Variants in WWOX observed in about 807,000 individuals in gnomAD.
The protein encoded by WWOX is WW domain-containing oxidoreductase.
Under a neutral mutation model 46.2 loss-of-function variants are expected in WWOX, and 69 were observed. The ratio of observed to expected loss-of-function variants is 1.49; its 90% confidence interval spans 1.23 to 1.82. The LOEUF (loss-of-function observed/expected upper bound fraction) is 1.82. WWOX is among the 40% of genes most tolerant of loss of function. The probability of loss-of-function intolerance (pLI) is 0.00; values close to 1 mark genes in which losing one functional copy is unlikely to be tolerated. For missense variants in WWOX, 919 were observed against 542.6 expected (o/e 1.69, Z -6.89); for synonymous variants, 359 against 202.6 (o/e 1.77, Z -6.56).
chr16:78,968,162 C>G (rs1481543649), intron 8 of WWOX, among the ~76,000 whole-genome samples: 1 of 151,362 alleles, frequency 6.6e-6, no homozygotes, highest in Non-Finnish European at 1.5e-5. Context: ...GTCCGCGTGG[C>G]ACAGCGCGTG....
At chr16:78,459,095 G>T (rs554277786) in intron 8 of WWOX, among the ~76,000 whole-genome samples, 1 of 152,116 alleles carries the variant, frequency 6.6e-6, no homozygotes, top group Non-Finnish European at 1.5e-5. Context: ...GGACTGATCC[G>T]CAAGGGCCTT....
chr16:78,363,645 C>G (rs186781268), intron 5 of WWOX, among the ~76,000 whole-genome samples: 79 of 152,248 alleles, frequency 5.2e-4, no homozygotes, highest in African/African-American at 1.9e-3. Flanking sequence ...AGATATTCCC[C>G]TTTCTTCTAA....
At chr16:79,003,959 C>T (rs930701693) in intron 8 of WWOX, among the ~76,000 whole-genome samples, 3 of 152,290 alleles carry the variant, frequency 2.0e-5, no homozygotes, top group South Asian at 2.1e-4. Flanking sequence ...CTTTGCCCTT[C>T]CCTTTGCCAA....
intron 8 of WWOX, among the ~76,000 whole-genome samples, chr16:79,155,684 A>C (rs1010117714): frequency 6.6e-6 from 1 of 152,130 alleles, no homozygotes; most frequent in Non-Finnish European, 1.5e-5. Context: ...ATTTGGTTAT[A>C]GGAGGTCAGG....
rs1027452922 is a variant in WWOX at position 79,183,570 on chromosome 16, C to G, written c.1057-28038C>G. Among the ~76,000 whole-genome samples the G allele has an allele frequency of 9.2e-5, 14 of 152,176 alleles. No homozygotes were observed. In the East Asian group the frequency reaches 1.2e-3, roughly 13 times the overall value. ...CTAATTTACTGTATTCTTACTCTCC[C>G]TCTCCAGTGCTGTGAGTAAATCAGT... On this transcript the variant is annotated intron_variant, in intron 8 of 8. Transcript: ENST00000566780.
intron 8 of WWOX, among the ~76,000 whole-genome samples, chr16:79,194,722 G>C (rs563773708): frequency 6.6e-5 from 10 of 152,240 alleles, no homozygotes; most frequent in Non-Finnish European, 1.5e-4. Context: ...TTCTCCATCT[G>C]CTTTCCATCG....
At chr16:78,613,113 G>C (rs1192910642) in intron 8 of WWOX, among the ~76,000 whole-genome samples, 2 of 151,996 alleles carry the variant, frequency 1.3e-5, no homozygotes, top group Admixed American at 1.3e-4. Context: ...CTCTTGCATG[G>C]GGCCTTCCTG....
At chr16:78,814,055 T>A (rs1032331578) in intron 8 of WWOX, among the ~76,000 whole-genome samples, 2 of 152,214 alleles carry the variant, frequency 1.3e-5, no homozygotes, top group East Asian at 1.9e-4. Context: ...ATATCTGCAC[T>A]TACCAATACT....
chr16:78,943,753 C>T (rs1253522596), intron 8 of WWOX, among the ~76,000 whole-genome samples: 1 of 152,160 alleles, frequency 6.6e-6, no homozygotes, highest in Non-Finnish European at 1.5e-5. Context: ...ATTAAGCTTC[C>T]TGCAACTCCT....
At chr16:78,437,798 T>A (rs1019628447) in intron 8 of WWOX, among the ~76,000 whole-genome samples, 6 of 152,222 alleles carry the variant, frequency 3.9e-5, no homozygotes, top group African/African-American at 1.4e-4. Context: ...TTTCTAATAA[T>A]GAAGTCACAT....
At chr16:78,666,117 G>C (rs184565411) in intron 8 of WWOX, among the ~76,000 whole-genome samples, 147 of 152,076 alleles carry the variant, frequency 9.7e-4, no homozygotes, top group African/African-American at 3.4e-3. Flanking sequence ...AGAGCCCCAT[G>C]TTTCTAAAAA....
chr16:78,868,860 A>G (rs1054051863), intron 8 of WWOX, among the ~76,000 whole-genome samples: 1 of 152,156 alleles, frequency 6.6e-6, no homozygotes, highest in Non-Finnish European at 1.5e-5. Context: ...TCATTGTCTC[A>G]TGGATTTTTA....
intron 8 of WWOX, among the ~76,000 whole-genome samples, chr16:79,052,285 C>T (rs1031487568): frequency 1.7e-4 from 25 of 149,202 alleles, no homozygotes; most frequent in African/African-American, 5.2e-4. Flanking sequence ...TGAGAATATG[C>T]GTTGTTTGGT....
At chr16:78,556,309 C>T (rs946941558) in intron 8 of WWOX, among the ~76,000 whole-genome samples, 1 of 151,472 alleles carries the variant, frequency 6.6e-6, no homozygotes, top group African/African-American at 2.4e-5. Context: ...TGGAGACAGT[C>T]GGCGATTGGG....
intron 5 of WWOX, among the ~76,000 whole-genome samples, chr16:78,373,316 G>A (rs999752591): frequency 2.0e-5 from 3 of 152,092 alleles, no homozygotes; most frequent in Admixed American, 2.0e-4. Context: ...TTGTCTATTT[G>A]GTGAGTAGGA....
intron 8 of WWOX, among the ~76,000 whole-genome samples, chr16:78,967,945 G>T (rs111934347): frequency 0.034 from 5,247 of 152,236 alleles, 311 homozygotes; most frequent in African/African-American, 0.12. Flanking sequence ...CTCACCCCCA[G>T]TTCTGTGTTT....
At chr16:78,894,813 C>T (rs949428541) in intron 8 of WWOX, among the ~76,000 whole-genome samples, 11 of 152,074 alleles carry the variant, frequency 7.2e-5, no homozygotes, top group Non-Finnish European at 1.2e-4. Flanking sequence ...ACCCCAAGAC[C>T]GGCTTCAGTT....
intron 5 of WWOX, among the ~76,000 whole-genome samples, chr16:78,314,533 T>G (rs1410825913): frequency 6.7e-6 from 1 of 149,738 alleles, no homozygotes; most frequent in South Asian, 2.1e-4. Flanking sequence ...GGGGTTTTTT[T>G]TTTTTTTTGA....
chr16:79,171,436 G>C (rs181985604), intron 8 of WWOX, among the ~76,000 whole-genome samples: 1 of 152,230 alleles, frequency 6.6e-6, no homozygotes, highest in African/African-American at 2.4e-5. Context: ...GAAAACAGTG[G>C]TTGGTGGTTT....
Sources: allele counts gnomAD v4.1 joint callset (sites outside exome capture counted in the v4.1 genomes callset), GRCh38; gene constraint gnomAD v4.1.1; transcripts MANE v1.5; gene names NCBI Gene and HGNC (gene_info 2026-07-23, HGNC 2026-07-21).